SPAG16: variants seen among roughly 807,000 people sequenced by gnomAD.
SPAG16 encodes sperm-associated antigen 16 protein.
In SPAG16, 86 loss-of-function variants were observed where a neutral mutation model predicts 80.4. That is an observed-to-expected ratio of 1.07 (90% CI 0.90 to 1.28). The LOEUF is 1.28. SPAG16 is among the 50% of genes most tolerant of loss of function. SPAG16 has a pLI of 0.00. For missense variants in SPAG16, 870 were observed against 765.3 expected (o/e 1.14, Z -1.61); for synonymous variants, 294 against 265.9 (o/e 1.11, Z -1.03).
At chr2:213,850,850 T>TG (rs950639089) in intron 10 of SPAG16, among the ~76,000 whole-genome samples, 9 of 152,292 alleles carry the variant, frequency 5.9e-5, no homozygotes, top group African/African-American at 1.9e-4. Context: ...TTGAGTTGAA[T>TG]GTTATAAAAT....
intron 7 of SPAG16, among the ~76,000 whole-genome samples, chr2:213,353,135 A>G (rs1337173456): frequency 6.6e-6 from 1 of 152,222 alleles, no homozygotes; most frequent in East Asian, 1.9e-4. Context: ...GTCCAGGTAC[A>G]TGAAACCTGG....
intron 10 of SPAG16, among the ~76,000 whole-genome samples, chr2:213,782,522 C>T (rs920098840): frequency 1.3e-5 from 2 of 152,088 alleles, no homozygotes; most frequent in Non-Finnish European, 2.9e-5. Flanking sequence ...TGATCCCTTT[C>T]AAAAAGAAAT....
chr2:213,667,944 T>A (rs2063671176), intron 10 of SPAG16, among the ~76,000 whole-genome samples: 1 of 149,660 alleles, frequency 6.7e-6, no homozygotes, highest in African/African-American at 2.4e-5. Flanking sequence ...TATTTATTTA[T>A]TTATTTATTT....
chr2:214,213,929 A>G (rs1477511006), intron 15 of SPAG16, among the ~76,000 whole-genome samples: 2 of 152,056 alleles, frequency 1.3e-5, no homozygotes, highest in Non-Finnish European at 2.9e-5. Context: ...TCTGTTTATA[A>G]ATTTGAAATT....
intron 15 of SPAG16, among the ~76,000 whole-genome samples, chr2:214,336,621 A>G (rs1303133415): frequency 6.6e-6 from 1 of 152,140 alleles, no homozygotes; most frequent in African/African-American, 2.4e-5. Context: ...GGCTCATTAA[A>G]GATGATATAA....
At chr2:213,304,358 T>C (rs1230957370) in intron 3 of SPAG16, among the ~76,000 whole-genome samples, 1 of 152,174 alleles carries the variant, frequency 6.6e-6, no homozygotes, top group African/African-American at 2.4e-5. Flanking sequence ...TTTCCTTTGC[T>C]GTGCAAAACT....
In SPAG16 at chr2:213,397,057, G is replaced by C. The variant is rs550902850; in HGVS notation, c.942+21938G>C. On this transcript the variant is annotated intron_variant, in intron 9 of 15. Coordinates refer to ENST00000331683, the MANE Select transcript of SPAG16 (RefSeq NM_024532.5). ...AATGAAAATCTAGATTTTCCTTCAT[G>C]ATAGTTTCCCCTGCATCCATTGAGG... Among the ~76,000 whole-genome samples the C allele has an allele frequency of 6.2e-4, 94 of 152,250 alleles. 3 individuals are homozygous for C. The South Asian group carries it at 6.2e-3, about 10-fold the overall frequency.
intron 12 of SPAG16, among the ~76,000 whole-genome samples, chr2:213,963,073 T>C (rs1289265186): frequency 7.0e-6 from 1 of 142,190 alleles, no homozygotes; most frequent in African/African-American, 2.6e-5. Context: ...TTCTTTTGCT[T>C]TCTGAATGCT....
At position 214,410,240 on chromosome 2, in the gene SPAG16, CACGGTT is replaced by C. The variant is rs760256710; in HGVS notation, c.1822_1827del (p.Thr608_Val609del). 2.2e-4 allele frequency: 361 copies of C among 1,613,128 alleles called. No individual in the cohort carries two copies. Among genetic ancestry groups the C allele is most frequent in the Non-Finnish European group, 2.9e-4 (339 of 1,179,224 alleles). On this transcript the variant is annotated inframe_deletion, in exon 16 of 16. Coordinates refer to ENST00000331683, the MANE Select transcript of SPAG16 (RefSeq NM_024532.5). The stretch of plus-strand genomic sequence containing the variant: ...TGATGGGCCACGAAAACGAGGCACA[CACGGTT>C]GTGTTTTCTCACGACGGGGAGATTC...
At chr2:214,252,819 G>T (rs1250506941) in intron 15 of SPAG16, among the ~76,000 whole-genome samples, 1 of 152,136 alleles carries the variant, frequency 6.6e-6, no homozygotes, top group Non-Finnish European at 1.5e-5. Context: ...CCAGTAATGA[G>T]ATTGCTGGGT....
chr2:213,340,731 G>C (rs1186502223), intron 6 of SPAG16, among the ~76,000 whole-genome samples: 3 of 152,128 alleles, frequency 2.0e-5, no homozygotes, highest in African/African-American at 7.2e-5. Context: ...TGCAGGGATA[G>C]GGGACATATC....
chr2:213,769,918 C>T lies in SPAG16; in HGVS notation c.1071-92567C>T, dbSNP rs576654861. Among the ~76,000 whole-genome samples the T allele has an allele frequency of 3.0e-4, 46 of 152,208 alleles. 2 individuals carry two copies. The highest frequency in any genetic ancestry group is 1.0e-3 in the African/African-American group (42 of 41,546). ...AAGTGTGCCCAATAAGCCACTGCAC[C>T]CTGAAGCAACCAGCATCTGATTTTT... On this transcript the variant is annotated intron_variant, in intron 10 of 15. Transcript: ENST00000331683.
At chr2:213,531,880 A>G (rs1559226776) in intron 10 of SPAG16, among the ~76,000 whole-genome samples, 1 of 152,200 alleles carries the variant, frequency 6.6e-6, no homozygotes, top group Non-Finnish European at 1.5e-5. Flanking sequence ...GGAATCTTAC[A>G]ATCAGTGAAC....
chr2:214,012,482 G>T (rs2047361799), intron 12 of SPAG16, among the ~76,000 whole-genome samples: 1 of 150,854 alleles, frequency 6.6e-6, no homozygotes, highest in Non-Finnish European at 1.5e-5. Flanking sequence ...TTTTAGTAGA[G>T]ATGGGGTTTC....
At chr2:213,697,764 C>T (rs546230404) in intron 10 of SPAG16, among the ~76,000 whole-genome samples, 1 of 152,282 alleles carries the variant, frequency 6.6e-6, no homozygotes, top group South Asian at 2.1e-4. Context: ...TCTTTATCCT[C>T]TCTCTTCTTT....
At chr2:214,086,427 G>A (rs1009511741) in intron 13 of SPAG16, among the ~76,000 whole-genome samples, 3 of 152,126 alleles carry the variant, frequency 2.0e-5, no homozygotes, top group Admixed American at 6.5e-5. Flanking sequence ...ATTGTAATCC[G>A]AATTGTAATC....
chr2:213,311,815 GA>G (rs2063197296), intron 4 of SPAG16, among the ~76,000 whole-genome samples: 1 of 150,994 alleles, frequency 6.6e-6, no homozygotes, highest in Non-Finnish European at 1.5e-5. Context: ...TTTACCACAG[GA>G]AAAAACACTT....
At chr2:213,918,825 T>C (rs2078084523) in intron 11 of SPAG16, among the ~76,000 whole-genome samples, 1 of 152,188 alleles carries the variant, frequency 6.6e-6, no homozygotes. Context: ...TTTTTGTCTG[T>C]GCAGGGATTC....
intron 10 of SPAG16, among the ~76,000 whole-genome samples, chr2:213,751,474 C>G (rs1440771894): frequency 6.6e-6 from 1 of 152,206 alleles, no homozygotes; most frequent in Non-Finnish European, 1.5e-5. Flanking sequence ...TGGTAACACT[C>G]ATAGGCCTTA....
Sources: allele counts gnomAD v4.1 joint callset (sites outside exome capture counted in the v4.1 genomes callset), GRCh38; gene constraint gnomAD v4.1.1; transcripts MANE v1.5; gene names NCBI Gene and HGNC (gene_info 2026-07-23, HGNC 2026-07-21).